The following SEMA3A variants were observed in gnomAD, a reference collection of about 807,000 sequenced individuals.
SEMA3A encodes the protein semaphorin-3A.
In SEMA3A, 29 loss-of-function variants were observed where a neutral mutation model predicts 97.9. That is an observed-to-expected ratio of 0.30 (90% CI 0.22 to 0.40). SEMA3A has a LOEUF of 0.40. Among genes scored for constraint, SEMA3A ranks in the 10% least tolerant of loss-of-function variants. SEMA3A has a pLI of 1.00. For synonymous variants in SEMA3A, 321 were observed against 323.7 expected (o/e 0.99, Z 0.09); for missense variants, 763 against 951.3 (o/e 0.80, Z 2.60).
intron 1 of SEMA3A, among the ~76,000 whole-genome samples, chr7:84,379,938 C>A (rs1237126508): frequency 6.6e-6 from 1 of 152,066 alleles, no homozygotes; most frequent in African/African-American, 2.4e-5. Context: ...TAATTTGGGG[C>A]TATTTTAATT....
intron 2 of SEMA3A, among the ~76,000 whole-genome samples, chr7:84,334,292 A>G (rs1242427378): frequency 2.0e-5 from 3 of 152,172 alleles, no homozygotes; most frequent in Non-Finnish European, 2.9e-5. Context: ...CAGAGTAATG[A>G]AAATATTTTT....
chr7:84,090,383 A>T (rs1181922359), intron 4 of SEMA3A, among the ~76,000 whole-genome samples: 1 of 152,150 alleles, frequency 6.6e-6, no homozygotes, highest in Non-Finnish European at 1.5e-5. Context: ...TTATGTATTG[A>T]TCCTAAAATA....
rs560877246 is a variant in SEMA3A, at chr7:84,403,438, C to A, written c.-245-31538G>T. ...TGGAGCCCACCACAGCTCAAGGAGGCCTGCTGCCTCTGTAGGCTCCACCTC... is the reference window on the plus strand; with the variant it reads ...TGGAGCCCACCACAGCTCAAGGAGGACTGCTGCCTCTGTAGGCTCCACCTC... On this transcript the variant is annotated intron_variant, in intron 1 of 3. Coordinates refer to the SEMA3A transcript ENST00000424555. Among the ~76,000 whole-genome samples the A allele has an allele frequency of 2.6e-5, 4 of 152,304 alleles. 1 individual carries two copies. The South Asian group carries it at 8.3e-4, about 32-fold the overall frequency.
At chr7:84,424,605 A>G (rs1166642954) in intron 1 of SEMA3A, among the ~76,000 whole-genome samples, 1 of 47,082 alleles carries the variant, frequency 2.1e-5, no homozygotes, top group East Asian at 6.5e-4. Context: ...TATAAATATT[A>G]ATATATAATA....
chr7:83,985,185 A>C (rs553074749), intron 13 of SEMA3A, among the ~76,000 whole-genome samples: 1 of 152,236 alleles, frequency 6.6e-6, no homozygotes, highest in African/African-American at 2.4e-5. Context: ...TGTATGTAAA[A>C]ATTTATAACA....
intron 6 of SEMA3A, among the ~76,000 whole-genome samples, chr7:84,022,667 C>T (rs1490819152): frequency 1.3e-5 from 2 of 152,188 alleles, no homozygotes; most frequent in Non-Finnish European, 2.9e-5. Flanking sequence ...ATATTAAAAG[C>T]TGAACATCAA....
chr7:84,222,252 C>T (rs896484945), intron 3 of SEMA3A, among the ~76,000 whole-genome samples: 1 of 151,870 alleles, frequency 6.6e-6, no homozygotes, highest in Non-Finnish European at 1.5e-5. Flanking sequence ...ATCTGTGACA[C>T]TGAATATAAC....
At chr7:84,110,706 TGGCATCCCTTTCACAACA>T in intron 3 of SEMA3A, 117 bp from the exon 4 acceptor site, 4 of 1,118,210 alleles carry the variant, frequency 3.6e-6, no homozygotes, top group Non-Finnish European at 5.0e-6. Flanking sequence ...TTTTTTTTTT[TGGCATCCCTTTCACAACA>T]TTTTAAGGAC....
intron 1 of SEMA3A, among the ~76,000 whole-genome samples, chr7:84,463,300 G>C (rs370939940): frequency 2.1e-4 from 28 of 136,038 alleles, no homozygotes; most frequent in African/African-American, 7.4e-4. Flanking sequence ...ACAGGCTGGA[G>C]TGCAGTGGCG....
At chr7:84,488,263 T>C (rs1273771075) in intron 1 of SEMA3A, among the ~76,000 whole-genome samples, 2 of 152,040 alleles carry the variant, frequency 1.3e-5, no homozygotes, top group East Asian at 1.9e-4. Context: ...TAGGAAATTA[T>C]ATTTTAAATG....
At chr7:84,238,996 C>T (rs1045388044) in intron 3 of SEMA3A, among the ~76,000 whole-genome samples, 6 of 152,066 alleles carry the variant, frequency 3.9e-5, no homozygotes, top group Non-Finnish European at 8.8e-5. Flanking sequence ...GGATGACAGG[C>T]GTGAGCCACC....
intron 1 of SEMA3A, among the ~76,000 whole-genome samples, chr7:84,406,409 A>G (rs1392792794): frequency 3.3e-5 from 5 of 152,106 alleles, no homozygotes; most frequent in South Asian, 4.1e-4. Context: ...AATAATTAAT[A>G]GTTTACCAAC....
At chr7:84,334,925 C>T (rs891382963) in intron 2 of SEMA3A, among the ~76,000 whole-genome samples, 1 of 151,180 alleles carries the variant, frequency 6.6e-6, no homozygotes, top group Non-Finnish European at 1.5e-5. Context: ...TCATTTTCTA[C>T]TTAGACTCAT....
intron 1 of SEMA3A, among the ~76,000 whole-genome samples, chr7:84,446,834 G>C (rs2116354525): frequency 6.6e-6 from 1 of 152,284 alleles, no homozygotes. Flanking sequence ...GGGAGGCACA[G>C]CCAGGCTTAT....
intron 2 of SEMA3A, among the ~76,000 whole-genome samples, chr7:84,350,975 T>C (rs115086642): frequency 2.2e-4 from 33 of 151,906 alleles, no homozygotes; most frequent in African/African-American, 8.0e-4. Flanking sequence ...TCCTTGAAGA[T>C]TAGATTATTT....
At chr7:84,068,734 A>C (rs1793633535) in intron 4 of SEMA3A, among the ~76,000 whole-genome samples, 1 of 152,094 alleles carries the variant, frequency 6.6e-6, no homozygotes, top group African/African-American at 2.4e-5. Flanking sequence ...AGACAGTGCC[A>C]AGGTAGATGA....
chr7:84,461,963 T>C (rs1805852241), intron 1 of SEMA3A, among the ~76,000 whole-genome samples: 1 of 152,168 alleles, frequency 6.6e-6, no homozygotes. Flanking sequence ...TGCCTAGCCA[T>C]ATTGTTAAAA....
chr7:84,415,301 A>T (rs1804402557), intron 1 of SEMA3A, among the ~76,000 whole-genome samples: 1 of 152,124 alleles, frequency 6.6e-6, no homozygotes, highest in African/African-American at 2.4e-5. Context: ...AAATTTACCA[A>T]AATTGTAAGC....
At chr7:84,154,515 A>C (rs1796774500) in intron 1 of SEMA3A, among the ~76,000 whole-genome samples, 1 of 151,952 alleles carries the variant, frequency 6.6e-6, no homozygotes, top group Non-Finnish European at 1.5e-5. Flanking sequence ...GTCTCTACTA[A>C]AAATACAAAA....
Sources: allele counts gnomAD v4.1 joint callset (sites outside exome capture counted in the v4.1 genomes callset), GRCh38; gene constraint gnomAD v4.1.1; transcripts MANE v1.5; gene names NCBI Gene and HGNC (gene_info 2026-07-23, HGNC 2026-07-21).